Variants in LRRC69 observed in about 807,000 individuals in gnomAD.
LRRC69 encodes the protein leucine-rich repeat-containing protein 69.
Under a neutral mutation model 37.8 loss-of-function variants are expected in LRRC69, and 42 were observed. That is an observed-to-expected ratio of 1.11 (90% CI 0.87 to 1.44). LRRC69 has a LOEUF of 1.44. LRRC69 is among the 40% of genes most tolerant of loss of function. The pLI is 0.00. For missense variants in LRRC69, 357 were observed against 401.9 expected, an observed-to-expected ratio of 0.89 and a Z score of 0.96; for synonymous variants, 141 against 143.1, an observed-to-expected ratio of 0.99 and a Z score of 0.11.
intron 1 of LRRC69, among the ~76,000 whole-genome samples, chr8:91,119,874 A>C (rs1157536474): frequency 3.3e-5 from 5 of 151,706 alleles, no homozygotes; most frequent in Admixed American, 3.3e-4. Context: ...GAGCCCTTTC[A>C]CTTATCTAAG....
At chr8:91,197,899 T>C (rs1809644548) in intron 6 of LRRC69, among the ~76,000 whole-genome samples, 1 of 152,138 alleles carries the variant, frequency 6.6e-6, no homozygotes, top group Admixed American at 6.5e-5. Flanking sequence ...ACAATGTGTT[T>C]AGTGGAAGTA....
intron 1 of LRRC69, among the ~76,000 whole-genome samples, chr8:91,108,281 C>G (rs1217610734): frequency 6.6e-6 from 1 of 151,984 alleles, no homozygotes; most frequent in East Asian, 1.9e-4. Context: ...ACCCTTTAAC[C>G]CAATCAACTT....
At chr8:91,120,173 A>T (rs1162718843) in intron 1 of LRRC69, among the ~76,000 whole-genome samples, 1 of 151,962 alleles carries the variant, frequency 6.6e-6, no homozygotes, top group Non-Finnish European at 1.5e-5. Flanking sequence ...TTCTTCCCCA[A>T]CACTTCACCC....
intron 5 of LRRC69, among the ~76,000 whole-genome samples, chr8:91,179,851 T>C (rs184494376): frequency 5.9e-5 from 9 of 152,298 alleles, no homozygotes; most frequent in Admixed American, 1.3e-4. Context: ...AAAAGTTACA[T>C]TGAATTGTAA....
At chr8:91,153,357 G>A (rs1164815380) in intron 5 of LRRC69, among the ~76,000 whole-genome samples, 1 of 151,218 alleles carries the variant, frequency 6.6e-6, no homozygotes, top group Non-Finnish European at 1.5e-5. Context: ...TCTGGATCAA[G>A]TGGACCTGAT....
intron 1 of LRRC69, among the ~76,000 whole-genome samples, chr8:91,121,871 GGAT>G (rs1420193178): frequency 1.1e-4 from 16 of 152,010 alleles, no homozygotes; most frequent in African/African-American, 3.9e-4. Context: ...GTTTGTTTAT[GGAT>G]ATATTTCTAA....
chr8:91,135,941 A>T (rs1193887285), intron 5 of LRRC69, among the ~76,000 whole-genome samples: 2 of 151,928 alleles, frequency 1.3e-5, no homozygotes, highest in Admixed American at 1.3e-4. Context: ...AACTTGTTTG[A>T]ACTAAGTTAA....
chr8:91,155,513 A>G (rs1234360027), intron 5 of LRRC69, among the ~76,000 whole-genome samples: 4 of 150,900 alleles, frequency 2.7e-5, no homozygotes, highest in Non-Finnish European at 5.9e-5. Flanking sequence ...AAATTCATCT[A>G]TTTGAAAACA....
chr8:91,161,464 A>G (rs771004693), intron 5 of LRRC69, among the ~76,000 whole-genome samples: 1 of 151,206 alleles, frequency 6.6e-6, no homozygotes, highest in Admixed American at 6.6e-5. Context: ...TACTGTTTCA[A>G]TCTCATTACT....
intron 1 of LRRC69, among the ~76,000 whole-genome samples, chr8:91,115,734 C>T (rs139097765): frequency 6.6e-6 from 1 of 151,782 alleles, no homozygotes; most frequent in African/African-American, 2.4e-5. Context: ...TAAATTCAGT[C>T]AAGTAGGAGA....
chr8:91,208,684 CCCTT>C (rs1218423948), intron 7 of LRRC69, among the ~76,000 whole-genome samples: 1 of 152,160 alleles, frequency 6.6e-6, no homozygotes, highest in East Asian at 1.9e-4. Flanking sequence ...GAATTTCCTT[CCCTT>C]CCTTTCTGCC....
intron 1 of LRRC69, among the ~76,000 whole-genome samples, chr8:91,122,694 G>A (rs1813650390): frequency 6.6e-6 from 1 of 151,980 alleles, no homozygotes; most frequent in Non-Finnish European, 1.5e-5. Context: ...CCAGTCCTCA[G>A]GGAGATTTTC....
chr8:91,151,725 C>G (rs917216833), intron 5 of LRRC69, among the ~76,000 whole-genome samples: 1 of 151,652 alleles, frequency 6.6e-6, no homozygotes, highest in South Asian at 2.1e-4. Context: ...ACCACACTGT[C>G]TTCCACAGTG....
intron 2 of LRRC69, among the ~76,000 whole-genome samples, chr8:91,125,820 A>T (rs1211741863): frequency 2.0e-5 from 3 of 151,730 alleles, no homozygotes; most frequent in African/African-American, 7.2e-5. Context: ...TATGTATATA[A>T]AATTTGTTTG....
At chr8:91,188,445 G>T (rs1809438748) in intron 5 of LRRC69, among the ~76,000 whole-genome samples, 1 of 152,128 alleles carries the variant, frequency 6.6e-6, no homozygotes, top group South Asian at 2.1e-4. Flanking sequence ...CCCAAACTCT[G>T]TGTTCAGTGA....
intron 5 of LRRC69, among the ~76,000 whole-genome samples, chr8:91,186,428 T>C (rs1809408715): frequency 6.6e-6 from 1 of 152,008 alleles, no homozygotes; most frequent in African/African-American, 2.4e-5. Context: ...AGTTGTAGGA[T>C]GAGTTAAAAG....
At chr8:91,155,279 A>G (rs1808813366) in intron 5 of LRRC69, among the ~76,000 whole-genome samples, 2 of 151,112 alleles carry the variant, frequency 1.3e-5, no homozygotes, top group African/African-American at 4.8e-5. Context: ...TTTGATACTT[A>G]TTCTCTCCTC....
At chr8:91,135,829 T>C (rs530068320) in intron 5 of LRRC69, 90 bp downstream of exon 5, 2 of 613,020 alleles carry the variant, frequency 3.3e-6, no homozygotes, top group Non-Finnish European at 5.2e-6. Context: ...GTAAAACCTG[T>C]AGTAATTGAA....
At chr8:91,213,784 CAG>C (rs943382138) in intron 7 of LRRC69, among the ~76,000 whole-genome samples, 3 of 151,978 alleles carry the variant, frequency 2.0e-5, no homozygotes, top group African/African-American at 7.2e-5. Flanking sequence ...AGAAAGTAAA[CAG>C]AATGTTTTAG....
Sources: gnomAD v4.1 joint callset for allele counts (sites outside exome capture counted in the v4.1 genomes callset) on GRCh38, gnomAD v4.1.1 for gene constraint, MANE v1.5 for transcripts, NCBI Gene and HGNC (gene_info 2026-07-23, HGNC 2026-07-21) for gene names.